Variants in GRIK2 observed in about 807,000 individuals in gnomAD.
The protein encoded by GRIK2 is glutamate ionotropic receptor kainate type subunit 2.
In GRIK2, 32 loss-of-function variants were observed where a neutral mutation model predicts 100.3. The observed-to-expected ratio is 0.32, with a 90% CI of 0.24 to 0.43. GRIK2 has a LOEUF of 0.43. Among genes scored for constraint, GRIK2 ranks in the 20% least tolerant of loss-of-function variants. The probability of loss-of-function intolerance (pLI) is 1.00; values close to 1 mark genes in which losing one functional copy is unlikely to be tolerated. For missense variants in GRIK2, 843 were observed against 1,114.9 expected (o/e 0.76, Z 3.47); for synonymous variants, 417 against 389.4 (o/e 1.07, Z -0.83).
At chr6:101,697,979 C>T (rs1301297676) in intron 7 of GRIK2, among the ~76,000 whole-genome samples, 8 of 152,080 alleles carry the variant, frequency 5.3e-5, no homozygotes, top group African/African-American at 1.9e-4. Context: ...GTTCTGAGTA[C>T]AGTTCATCAT....
intron 12 of GRIK2, among the ~76,000 whole-genome samples, chr6:101,897,648 G>C (rs750515639): frequency 6.6e-6 from 1 of 151,694 alleles, no homozygotes; most frequent in Non-Finnish European, 1.5e-5. Flanking sequence ...AAAGACAGGC[G>C]ACATCTTTTA....
At position 101,432,351 on chromosome 6, in the gene GRIK2, G is replaced by A. The variant is rs182365301; in HGVS notation, c.115+32959G>A. On this transcript the variant is annotated intron_variant, in intron 2 of 16. Coordinates refer to ENST00000369134, the MANE Select transcript of GRIK2 (RefSeq NM_021956.5). ...TAGAAAGATGAGTCTTTGCTCTTAC[G>A]GAATTCTAGTGTCTTAATCCTTTGG... Among the ~76,000 whole-genome samples the A allele has an allele frequency of 1.1e-3, 160 of 152,180 alleles. 1 individual carries two copies. Among genetic ancestry groups the A allele is most frequent in the African/African-American group, 2.9e-3 (119 of 41,508 alleles).
rs780656788 is a variant in GRIK2 at position 101,622,085 on chromosome 6, C to T, written c.252C>T (p.Asn84=). 1 of 1,600,994 alleles carries T rather than the reference C, an allele frequency of 6.2e-7. No homozygotes were observed. Among genetic ancestry groups the T allele is most frequent in the Non-Finnish European group, 8.6e-7 (1 of 1,168,924 alleles). Residue 84 remains asparagine (N), a synonymous_variant, in exon 3 of 17, where the codon AAC becomes AAT. Transcript: ENST00000369134. ...TTLTYDTQKI[N]LYDSFEASKK... is the part of the protein sequence containing the mutation. ...TTACCTATGATACCCAGAAGATAAA[C>T]CTTTATGATAGTTTTGAAGCATCCA... is the stretch of plus-strand genomic sequence containing the variant.
chr6:101,484,482 T>C (rs557317393), intron 2 of GRIK2, among the ~76,000 whole-genome samples: 102 of 152,118 alleles, frequency 6.7e-4, no homozygotes, highest in Non-Finnish European at 1.2e-3. Flanking sequence ...ATTTTAAATA[T>C]TGCTAATTGA....
At chr6:102,025,851 A>G (rs190839613) in intron 14 of GRIK2, among the ~76,000 whole-genome samples, 49 of 151,078 alleles carry the variant, frequency 3.2e-4, no homozygotes, top group South Asian at 3.1e-3. Context: ...CAAATGATTG[A>G]ATGAATAATC....
chr6:101,544,873 A>G (rs890051115), intron 2 of GRIK2, among the ~76,000 whole-genome samples: 2 of 152,172 alleles, frequency 1.3e-5, no homozygotes, highest in Non-Finnish European at 2.9e-5. Context: ...CAATCTGCCA[A>G]TTTCTTCTAA....
chr6:101,761,405 C>T (rs909442761), intron 7 of GRIK2, among the ~76,000 whole-genome samples: 1 of 151,974 alleles, frequency 6.6e-6, no homozygotes, highest in African/African-American at 2.4e-5. Context: ...CCCCTAAAGG[C>T]AAATATAACT....
intron 9 of GRIK2, among the ~76,000 whole-genome samples, chr6:101,805,108 T>C (rs1270767974): frequency 6.6e-6 from 1 of 151,910 alleles, no homozygotes; most frequent in African/African-American, 2.4e-5. Context: ...CTGAGTGTTA[T>C]TGACTTGACT....
chr6:101,619,261 T>G (rs1780034137), intron 2 of GRIK2, among the ~76,000 whole-genome samples: 1 of 151,510 alleles, frequency 6.6e-6, no homozygotes, highest in Admixed American at 6.6e-5. Flanking sequence ...AAAGGTTGCG[T>G]TATCTGGATG....
chr6:101,842,201 T>A (rs1783548003), intron 10 of GRIK2, among the ~76,000 whole-genome samples: 1 of 152,162 alleles, frequency 6.6e-6, no homozygotes, highest in Non-Finnish European at 1.5e-5. Flanking sequence ...CTTTCTAATA[T>A]GTTTTTTAAC....
intron 11 of GRIK2, among the ~76,000 whole-genome samples, chr6:101,862,165 A>T (rs2128444381): frequency 6.6e-6 from 1 of 152,184 alleles, no homozygotes; most frequent in South Asian, 2.1e-4. Context: ...ATGGATAATG[A>T]GATTACAGGG....
chr6:101,582,277 G>A (rs117919394), intron 2 of GRIK2, among the ~76,000 whole-genome samples: 1,787 of 152,054 alleles, frequency 0.012, 11 homozygotes, highest in Non-Finnish European at 0.017. Flanking sequence ...TTGTGTCCAC[G>A]TGTTCTCATT....
In GRIK2 at chr6:101,763,361, G is replaced by A. The variant is rs114142168; in HGVS notation, c.952-36287G>A. Among the ~76,000 whole-genome samples the A allele has an allele frequency of 2.0e-3, 307 of 152,254 alleles. 1 individual carries two copies. Among genetic ancestry groups the A allele is most frequent in the African/African-American group, 7.2e-3 (298 of 41,558 alleles). On this transcript the variant is annotated intron_variant, in intron 7 of 16. Coordinates refer to ENST00000369134, the MANE Select transcript of GRIK2 (RefSeq NM_021956.5). ...TGAGGTTTCTAGAAATGGCATATAA[G>A]TCTTATTTAGTCACTCTTTGTTAGT...
At chr6:101,951,203 A>C (rs942479714) in intron 14 of GRIK2, among the ~76,000 whole-genome samples, 2 of 152,238 alleles carry the variant, frequency 1.3e-5, no homozygotes, top group African/African-American at 4.8e-5. Flanking sequence ...TATATGTGAA[A>C]GTATCATCTA....
chr6:101,619,415 A>C (rs1780040986), intron 2 of GRIK2, among the ~76,000 whole-genome samples: 1 of 152,014 alleles, frequency 6.6e-6, no homozygotes, highest in Non-Finnish European at 1.5e-5. Flanking sequence ...TGTAAACTTA[A>C]AGTCGAATTT....
chr6:101,800,497 A>C (rs1043736645), intron 8 of GRIK2, among the ~76,000 whole-genome samples: 1 of 152,120 alleles, frequency 6.6e-6, no homozygotes, highest in East Asian at 1.9e-4. Flanking sequence ...CTGTGCCTTA[A>C]TCTTTGCAAT....
At chr6:101,741,158 C>T (rs960147031) in intron 7 of GRIK2, among the ~76,000 whole-genome samples, 1 of 152,170 alleles carries the variant, frequency 6.6e-6, no homozygotes, top group Non-Finnish European at 1.5e-5. Flanking sequence ...GGTTGTCAAC[C>T]TTGACTGTAT....
intron 2 of GRIK2, among the ~76,000 whole-genome samples, chr6:101,475,596 A>G (rs1286724547): frequency 1.3e-5 from 2 of 151,900 alleles, no homozygotes; most frequent in African/African-American, 2.4e-5. Flanking sequence ...TTGTTTCTGT[A>G]TCTGCTAGAC....
chr6:101,626,739 T>G (rs1269377421), intron 4 of GRIK2, 102 bp downstream of exon 4: 1 of 1,053,836 alleles, frequency 9.5e-7, no homozygotes, highest in African/African-American at 1.6e-5. Context: ...TTATTTTGAG[T>G]TTTGAAAATT....
Sources: allele counts gnomAD v4.1 joint callset (sites outside exome capture counted in the v4.1 genomes callset), GRCh38; gene constraint gnomAD v4.1.1; transcripts MANE v1.5; gene names NCBI Gene and HGNC (gene_info 2026-07-23, HGNC 2026-07-21).